The following ITGAL variants were observed in gnomAD, a reference collection of about 807,000 sequenced individuals.
ITGAL encodes the protein integrin alpha-L.
Under a neutral mutation model 138.4 loss-of-function variants are expected in ITGAL, and 68 were observed. The ratio of observed to expected loss-of-function variants is 0.49; its 90% confidence interval spans 0.40 to 0.60. ITGAL has a LOEUF of 0.60. Ranked by LOEUF, ITGAL falls within the 20% of genes least tolerant of loss-of-function variation. ITGAL has a pLI of 0.00. For missense variants in ITGAL, 1,256 were observed against 1,478.6 expected, an observed-to-expected ratio of 0.85 and a Z score of 2.47; for synonymous variants, 561 against 584.3, an observed-to-expected ratio of 0.96 and a Z score of 0.57.
intron 25 of ITGAL, 32 bp downstream of exon 25, chr16:30,513,878 G>T (rs984391302): frequency 2.0e-6 from 3 of 1,485,424 alleles, no homozygotes; most frequent in Non-Finnish European, 2.8e-6. Context: ...GTCCTTATAG[G>T]TCACACATTC....
In ITGAL at chr16:30,479,322, C is replaced by T. The variant is rs1391263002; in HGVS notation, c.446-9C>T. 1.2e-6 allele frequency: 2 copies of T among 1,613,968 alleles called. No homozygotes were observed. Among genetic ancestry groups the T allele is most frequent in the East Asian group, 2.2e-5 (1 of 44,876 alleles). The stretch of plus-strand genomic sequence containing the variant: ...GCTTCACTGGGTCCCTTGCGTCTGG[C>T]TTCTGCAGAATGTATCAAGGGCAAC... On this transcript the variant is annotated splice_polypyrimidine_tract_variant and intron_variant, in intron 5 of 30. Coordinates refer to ENST00000356798, the MANE Select transcript of ITGAL (RefSeq NM_002209.3).
chr16:30,506,569 A>T (rs2051001329), intron 20 of ITGAL, 146 bp from the exon 21 acceptor site: 1 of 72,742 alleles, frequency 1.4e-5, no homozygotes. Flanking sequence ...AAAAAAAAAA[A>T]AAAAAAAAAA....
At position 30,505,376 on chromosome 16, in the gene ITGAL, C is replaced by G; in HGVS notation, c.2293-13C>G. The G allele has an allele frequency of 6.2e-7, 1 of 1,613,958 alleles. No individual in the cohort carries two copies. Among genetic ancestry groups the G allele is most frequent in the Middle Eastern group, 1.7e-4 (1 of 6,042 alleles). On this transcript the variant is annotated splice_polypyrimidine_tract_variant and intron_variant, in intron 19 of 30. Coordinates refer to ENST00000356798, the MANE Select transcript of ITGAL (RefSeq NM_002209.3). The stretch of plus-strand genomic sequence containing the variant: ...GATCTGAGCCTGTTACTCCTTTCTT[C>G]TTGGTGTTTCAGATCCCTTTTGAGA...
intron 4 of ITGAL, chr16:30,477,178 A>G (rs2151142261): frequency 6.6e-6 from 1 of 152,326 alleles, no homozygotes; most frequent in South Asian, 2.1e-4. Context: ...TTCATCCAGT[A>G]TTTAAGTAGA....
chr16:30,518,448 C>CAA (rs371321025), intron 28 of ITGAL, among the ~76,000 whole-genome samples, 176 bp from the exon 29 acceptor site: 11 of 99,662 alleles, frequency 1.1e-4, no homozygotes, highest in African/African-American at 2.9e-4. Context: ...GACTCCATCT[C>CAA]AAAAAAAAAA....
At chr16:30,478,943 A>G (rs1232430869) in intron 4 of ITGAL, 148 bp from the exon 5 acceptor site, 5 of 663,194 alleles carry the variant, frequency 7.5e-6, no homozygotes, top group Non-Finnish European at 1.4e-5. Context: ...GAGACTGTGG[A>G]GGCGGACATT....
chr16:30,496,032 A>T, intron 13 of ITGAL, 65 bp from the exon 14 acceptor site: 1 of 1,300,212 alleles, frequency 7.7e-7, no homozygotes, highest in Non-Finnish European at 1.1e-6. Flanking sequence ...AGCATTCTTC[A>T]CTCAGTTGTT....
In ITGAL at chr16:30,518,695, T is replaced by A. The variant is rs755686120; in HGVS notation, c.3204T>A (p.Tyr1068Ter). ...SFNSSKHFHL[Y>*]GSNASLAQVV... ...ACAGCAGCAAGCATTTCCACCTCTA[T>A]GGCAGCAACGCCTCCCTGGCCCAGG... Residue 1068 changes from tyrosine (Y) to a stop codon, truncating the protein, a stop_gained, in exon 29 of 31, where the codon TAT becomes TAA. Transcript: ENST00000356798. LOFTEE classifies it high-confidence loss of function. The A allele has an allele frequency of 6.2e-7, 1 of 1,613,682 alleles. No homozygotes were observed. The highest frequency in any genetic ancestry group is 1.1e-5 in the South Asian group (1 of 91,076).
chr16:30,487,577 A>T (rs1416513362), intron 9 of ITGAL, among the ~76,000 whole-genome samples: 1 of 150,328 alleles, frequency 6.7e-6, no homozygotes, highest in Admixed American at 6.7e-5. Context: ...ACCCAGATAA[A>T]TTTTTTGTAT....
At position 30,489,278 on chromosome 16, in the gene ITGAL, G is replaced by C; in HGVS notation, c.1105G>C (p.Gly369Arg). The C allele has an allele frequency of 6.2e-7, 1 of 1,613,566 alleles. No individual in the cohort carries two copies. Among genetic ancestry groups the C allele is most frequent in the Non-Finnish European group, 8.5e-7 (1 of 1,179,444 alleles). The change falls in exon 11 of 31, where the codon GGA becomes CGA. Residue 369 changes from glycine to arginine, a missense_variant. Physicochemically the swap from Gly to Arg is moderately radical, Grantham distance 125. Transcript: ENST00000356798. ...GGGCCATGCAGTCGTGGGGGCAGTA[G>C]GAGCCAAGGACTGGGCTGGGGGCTT... Reference protein sequence around the residue: ...SRGHAVVGAVGAKDWAGGFLD... With the variant: ...SRGHAVVGAVRAKDWAGGFLD...
intron 29 of ITGAL, 150 bp downstream of exon 29, chr16:30,518,869 C>G: frequency 1.5e-6 from 1 of 651,776 alleles, no homozygotes; most frequent in Non-Finnish European, 2.7e-6. Flanking sequence ...AGCTTCTTCT[C>G]CCCTTGGTGG....
chr16:30,492,153 C>T (rs1479177336), intron 11 of ITGAL, among the ~76,000 whole-genome samples: 1 of 152,068 alleles, frequency 6.6e-6, no homozygotes, highest in Admixed American at 6.6e-5. Context: ...AGTGTTTCCT[C>T]GAACATTCAA....
chr16:30,496,274 C>A lies in ITGAL; in HGVS notation c.1681C>A (p.Leu561Ile). Residue 561 changes from leucine to isoleucine, a missense_variant, in exon 14 of 31, where the codon CTT becomes ATT. Coordinates refer to ENST00000356798, the MANE Select transcript of ITGAL (RefSeq NM_002209.3). ...CATCTTCAATGGGAGGCACGGGGGG[C>A]TTAGTCCCCAGCCAAGTCAGGTGAC... ...VYIFNGRHGG[L>I]SPQPSQRIEG... 6.2e-7 allele frequency: 1 copy of A among 1,600,768 alleles called. No individual in the cohort carries two copies. Among genetic ancestry groups the A allele is most frequent in the South Asian group, 1.1e-5 (1 of 89,308 alleles).
At chr16:30,479,046 C>T in intron 4 of ITGAL, 45 bp from the exon 5 acceptor site, 1 of 1,452,712 alleles carries the variant, frequency 6.9e-7, no homozygotes, top group Non-Finnish European at 9.6e-7. Flanking sequence ...CCAAAAGACA[C>T]ATAGCAAATA....
chr16:30,517,560 G>A (rs2051186102), intron 26 of ITGAL, 89 bp from the exon 27 acceptor site: 1 of 1,090,672 alleles, frequency 9.2e-7, no homozygotes, highest in Non-Finnish European at 1.4e-6. Flanking sequence ...ACTCACCCAG[G>A]GCCAGGGCCA....
intron 4 of ITGAL, among the ~76,000 whole-genome samples, chr16:30,477,891 A>C (rs2050494032): frequency 6.6e-6 from 1 of 151,630 alleles, no homozygotes; most frequent in South Asian, 2.1e-4. Flanking sequence ...GAAAAGAAAG[A>C]AAGCAAGGAA....
rs2059050929 is a variant in ITGAL at position 30,498,254 on chromosome 16, G to A, written c.1833-820G>A. ...GCAGGAGAATTGCTTGAGCCCAAGA[G>A]GAGGATCTCAAAAAAAAAAAAAAAA... is the stretch of plus-strand genomic sequence containing the variant. On this transcript the variant is annotated intron_variant, in intron 15 of 30. Coordinates refer to ENST00000356798, the MANE Select transcript of ITGAL (RefSeq NM_002209.3). Among the ~76,000 whole-genome samples, 3 of 141,442 alleles carry A rather than the reference G, an allele frequency of 2.1e-5. No homozygotes were observed. The South Asian group carries it at 6.6e-4, about 31-fold the overall frequency. The allele number at this position is 141,442 out of a possible 152,430, so 92.8% of individuals were successfully genotyped here.
chr16:30,475,325 G>C lies in ITGAL; in HGVS notation c.184G>C (p.Gly62Arg). 8 of 1,613,622 alleles carry C rather than the reference G, an allele frequency of 5.0e-6. No individual in the cohort carries two copies. Among genetic ancestry groups the C allele is most frequent in the Non-Finnish European group, 6.8e-6 (8 of 1,179,720 alleles). Residue 62 changes from glycine to arginine, a missense_variant, in exon 3 of 31, where the codon GGG becomes CGG. Coordinates refer to ENST00000356798, the MANE Select transcript of ITGAL (RefSeq NM_002209.3). The stretch of plus-strand genomic sequence containing the variant: ...CACCAGGGTCATCGTGGGAGCTCCA[G>C]GGGAGGGGAACAGCACAGGAAGCCT... Reference protein sequence around the residue: ...VGNGVIVGAPGEGNSTGSLYQ... With the variant: ...VGNGVIVGAPREGNSTGSLYQ...
chr16:30,509,474 CTCT>C, intron 21 of ITGAL: 1 of 152,124 alleles, frequency 6.6e-6, no homozygotes, highest in East Asian at 1.9e-4. Flanking sequence ...TCACGATAGT[CTCT>C]TCTTTGATTG....
Sources: gnomAD v4.1 joint callset for allele counts (sites outside exome capture counted in the v4.1 genomes callset) on GRCh38, gnomAD v4.1.1 for gene constraint, MANE v1.5 for transcripts, NCBI Gene and HGNC (gene_info 2026-07-23, HGNC 2026-07-21) for gene names.